LRRC37A2: variants seen among roughly 807,000 people sequenced by gnomAD.
LRRC37A2 encodes the protein leucine rich repeat containing 37 member A2.
In LRRC37A2, 9 loss-of-function variants were observed where a neutral mutation model predicts 68.8. That is an observed-to-expected ratio of 0.13 (90% CI 0.08 to 0.23). LRRC37A2 has a LOEUF of 0.23. Ranked by LOEUF, LRRC37A2 falls within the 10% of genes least tolerant of loss-of-function variation. The pLI, the probability that LRRC37A2 is intolerant of heterozygous loss-of-function variation, is 1.00. For synonymous variants in LRRC37A2, 63 were observed against 367.6 expected, an observed-to-expected ratio of 0.17 and a Z score of 9.48; for missense variants, 168 against 950.4, an observed-to-expected ratio of 0.18 and a Z score of 10.82.
chr17:46,505,078 C>T, the LRRC37A2 span, among the ~76,000 whole-genome samples: 10 of 84,150 alleles, frequency 1.2e-4, no homozygotes, highest in Admixed American at 9.2e-4. Context: ...GGATTACAGG[C>T]GCCCACCACC....
chr17:46,748,595 T>C, the LRRC37A2 span, among the ~76,000 whole-genome samples: 1 of 152,126 alleles, frequency 6.6e-6, no homozygotes, highest in African/African-American at 2.4e-5. Flanking sequence ...AAGGCTGGGA[T>C]ACAGGGAATC....
the LRRC37A2 span, among the ~76,000 whole-genome samples, chr17:46,957,877 C>T: frequency 4.6e-5 from 7 of 152,106 alleles, no homozygotes; most frequent in Non-Finnish European, 4.4e-5. Flanking sequence ...TCAGGGGAAA[C>T]GGAGGCAAGG....
the LRRC37A2 span, among the ~76,000 whole-genome samples, chr17:46,974,803 G>A: frequency 3.3e-5 from 5 of 151,710 alleles, no homozygotes; most frequent in South Asian, 2.1e-4. Flanking sequence ...TTCTAGCTGC[G>A]CTACCTCAGG....
chr17:46,598,325 TACC>T, the LRRC37A2 span, among the ~76,000 whole-genome samples: 1 of 133,332 alleles, frequency 7.5e-6, no homozygotes, highest in Admixed American at 7.7e-5. Context: ...CATCAGAAGA[TACC>T]ACTACCTTCC....
chr17:46,856,264 G>A, the LRRC37A2 span, among the ~76,000 whole-genome samples: 2,041 of 152,250 alleles, frequency 0.013, 19 homozygotes, highest in East Asian at 0.017. Context: ...TGAGAGGTGA[G>A]GGTGAGGCTT....
chr17:46,925,610 A>G, the LRRC37A2 span, among the ~76,000 whole-genome samples: 3 of 152,342 alleles, frequency 2.0e-5, no homozygotes, highest in East Asian at 5.8e-4. Context: ...TGACTGAATG[A>G]CTTTCACAAG....
At chr17:46,835,594 A>G in the LRRC37A2 span, among the ~76,000 whole-genome samples, 1 of 152,098 alleles carries the variant, frequency 6.6e-6, no homozygotes, top group African/African-American at 2.4e-5. Context: ...TCCCTGACTT[A>G]CCCCTCCTCC....
chr17:47,018,673 C>T, the LRRC37A2 span: 12 of 1,520,320 alleles, frequency 7.9e-6, no homozygotes, highest in African/African-American at 1.4e-5. Context: ...CCCTCTCCAA[C>T]CCAGCAGGAG....
At chr17:46,866,719 C>G in the LRRC37A2 span, among the ~76,000 whole-genome samples, 1 of 152,102 alleles carries the variant, frequency 6.6e-6, no homozygotes, top group Non-Finnish European at 1.5e-5. Flanking sequence ...CTCCTGGACC[C>G]TCCAGCTAAG....
the LRRC37A2 span, chr17:46,768,472 C>T: frequency 1.9e-6 from 3 of 1,614,048 alleles, no homozygotes; most frequent in South Asian, 1.1e-5. The surrounding 1 kb of genome is among the most constrained non-coding windows in gnomAD (Gnocchi z 5.0). Flanking sequence ...CCATCGATGC[C>T]GTGGGAGGTG....
chr17:46,769,106 C>G, the LRRC37A2 span, among the ~76,000 whole-genome samples: 1 of 152,130 alleles, frequency 6.6e-6, no homozygotes, highest in Admixed American at 6.5e-5. Context: ...CACCTGAAGT[C>G]AGGAGTTTGA....
chr17:46,836,081 T>C, the LRRC37A2 span, among the ~76,000 whole-genome samples: 2 of 136,312 alleles, frequency 1.5e-5, no homozygotes, highest in African/African-American at 5.8e-5. Context: ...GAACAGCAGC[T>C]GGAGAGACGC....
At chr17:46,688,328 T>C in the LRRC37A2 span, among the ~76,000 whole-genome samples, 1 of 150,148 alleles carries the variant, frequency 6.7e-6, no homozygotes, top group Non-Finnish European at 1.5e-5. Flanking sequence ...CTGGGCAACA[T>C]AGTGAGACCT....
the LRRC37A2 span, among the ~76,000 whole-genome samples, chr17:47,013,140 T>C: frequency 1.3e-5 from 2 of 152,222 alleles, no homozygotes; most frequent in Non-Finnish European, 2.9e-5. Context: ...GTATATGAAA[T>C]GTCCAGAGTA....
the LRRC37A2 span, chr17:47,018,387 C>T: frequency 8.1e-6 from 13 of 1,600,394 alleles, no homozygotes; most frequent in East Asian, 2.7e-4. Context: ...ACCTCCAGGT[C>T]ACCATCAAAC....
the LRRC37A2 span, among the ~76,000 whole-genome samples, chr17:46,761,877 G>A: frequency 6.6e-6 from 1 of 152,194 alleles, no homozygotes; most frequent in Non-Finnish European, 1.5e-5. Flanking sequence ...GTGAAGTGGC[G>A]ATCTGAGAGG....
At chr17:46,901,647 T>C in the LRRC37A2 span, among the ~76,000 whole-genome samples, 1 of 152,162 alleles carries the variant, frequency 6.6e-6, no homozygotes, top group Non-Finnish European at 1.5e-5. Flanking sequence ...AGCCTTCTAA[T>C]GGGAAAGAAG....
At chr17:46,864,042 C>G in the LRRC37A2 span, among the ~76,000 whole-genome samples, 4 of 152,220 alleles carry the variant, frequency 2.6e-5, no homozygotes, top group Admixed American at 1.3e-4. Flanking sequence ...CTGTCCTCAT[C>G]ATTGAGGGGG....
the LRRC37A2 span, among the ~76,000 whole-genome samples, chr17:47,002,773 CT>C: frequency 0.029 from 4,264 of 148,820 alleles, 76 homozygotes; most frequent in Middle Eastern, 0.035. Context: ...CTTATTCATT[CT>C]TTTTTTTTTG....
Sources: gnomAD v4.1 joint callset for allele counts (sites outside exome capture counted in the v4.1 genomes callset) on GRCh38, gnomAD v4.1.1 for gene constraint, Gnocchi (gnomAD v3.1) non-coding constraint, MANE v1.5 for transcripts, NCBI Gene and HGNC (gene_info 2026-07-23, HGNC 2026-07-21) for gene names.